DLGAP2: variants seen among roughly 807,000 people sequenced by gnomAD.
The protein encoded by DLGAP2 is DLG associated protein 2, also known as disks large-associated protein 2.
Under a neutral mutation model 100.3 loss-of-function variants are expected in DLGAP2, and 26 were observed. The observed-to-expected ratio is 0.26, with a 90% confidence interval of 0.19 to 0.36. The LOEUF (loss-of-function observed/expected upper bound fraction) is 0.36, where lower values mean the gene tolerates loss of function less well. Among genes scored for constraint, DLGAP2 ranks in the 10% least tolerant of loss-of-function variants. The probability of loss-of-function intolerance (pLI) is 1.00; values close to 1 mark genes in which losing one functional copy is unlikely to be tolerated. For synonymous variants in DLGAP2, 886 were observed against 630.1 expected (o/e 1.41, Z -6.08); for missense variants, 1,858 against 1,453.2 (o/e 1.28, Z -4.53).
At chr8:1,071,687 G>A (rs979594475) in intron 2 of DLGAP2, among the ~76,000 whole-genome samples, 3 of 152,086 alleles carry the variant, frequency 2.0e-5, no homozygotes, top group Non-Finnish European at 4.4e-5. Flanking sequence ...TGTACAACTT[G>A]TTAGGATAAC....
chr8:1,700,473 C>T (rs1343903122), intron 14 of DLGAP2, among the ~76,000 whole-genome samples: 1 of 151,966 alleles, frequency 6.6e-6, no homozygotes, highest in Non-Finnish European at 1.5e-5. Context: ...GAGTTAGGGA[C>T]ACAGACCTTT....
In DLGAP2 at chr8:1,691,540, G is replaced by A. The variant is rs1343341793; in HGVS notation, c.2710G>A (p.Gly904Ser). The A allele has an allele frequency of 5.0e-6, 8 of 1,613,106 alleles. No individual in the cohort carries two copies. The highest frequency in any genetic ancestry group is 2.2e-5 in the East Asian group (1 of 44,880). The change falls in exon 13 of 15, where the codon GGT (glycine) becomes AGT (serine). Residue 904 changes from glycine to serine, a missense_variant. By Grantham distance (56) the Gly-to-Ser change is moderately conservative (BLOSUM62 0). Coordinates refer to ENST00000637795, the MANE Select transcript of DLGAP2 (RefSeq NM_001346810.2). ...TTTGTTTTTGTTTTAAACAGTTCTC[G>A]GTAAAATCAGGAGTGCTGTTGGGAG... The part of the protein sequence containing the change: ...EENDLSEEIL[G>S]KIRSAVGSAQ...
At chr8:1,203,878 A>T (rs1797934911) in intron 2 of DLGAP2, among the ~76,000 whole-genome samples, 1 of 152,132 alleles carries the variant, frequency 6.6e-6, no homozygotes. Context: ...TTTAGGGAGG[A>T]GTAGGAAGTG....
At chr8:952,008 G>T (rs1282417476) in intron 2 of DLGAP2, among the ~76,000 whole-genome samples, 1 of 152,196 alleles carries the variant, frequency 6.6e-6, no homozygotes, top group Non-Finnish European at 1.5e-5. Flanking sequence ...CTTTGTCCTT[G>T]CCCTCCCGGG....
At chr8:740,821 A>G (rs1210015307) in intron 1 of DLGAP2, among the ~76,000 whole-genome samples, 1 of 152,226 alleles carries the variant, frequency 6.6e-6, no homozygotes, top group South Asian at 2.1e-4. Flanking sequence ...TACTTTGATT[A>G]TAGATTTTAA....
intron 6 of DLGAP2, among the ~76,000 whole-genome samples, chr8:1,590,405 G>A (rs994651072): frequency 3.3e-5 from 5 of 152,114 alleles, no homozygotes; most frequent in East Asian, 3.9e-4. Context: ...TTCCATCTCC[G>A]TGTTGGCTTT....
chr8:1,194,005 T>C (rs983949008), intron 2 of DLGAP2, among the ~76,000 whole-genome samples: 6 of 152,192 alleles, frequency 3.9e-5, no homozygotes, highest in Non-Finnish European at 8.8e-5. Flanking sequence ...TCAGGTGAAA[T>C]TTCTCCTTGG....
At chr8:1,470,473 A>G (rs1484017891) in intron 3 of DLGAP2, among the ~76,000 whole-genome samples, 1 of 151,992 alleles carries the variant, frequency 6.6e-6, no homozygotes, top group Non-Finnish European at 1.5e-5. Flanking sequence ...CCCTCCCGCC[A>G]CCTGCTCTCT....
intron 2 of DLGAP2, among the ~76,000 whole-genome samples, chr8:954,515 C>T (rs1799553325): frequency 6.6e-6 from 1 of 152,100 alleles, no homozygotes; most frequent in South Asian, 2.1e-4. Context: ...TATAATGTAA[C>T]TGAATATTAC....
chr8:964,766 G>A (rs562382483), intron 2 of DLGAP2, among the ~76,000 whole-genome samples: 2 of 152,278 alleles, frequency 1.3e-5, no homozygotes, highest in South Asian at 2.1e-4. Context: ...ACCCTCCCCC[G>A]AGGGCCACAC....
intron 6 of DLGAP2, among the ~76,000 whole-genome samples, chr8:1,623,655 A>G (rs1797414231): frequency 6.6e-6 from 1 of 152,120 alleles, no homozygotes; most frequent in African/African-American, 2.4e-5. Flanking sequence ...CCAGTGTGTG[A>G]TGACCTGACA....
intron 2 of DLGAP2, among the ~76,000 whole-genome samples, chr8:1,163,736 G>A (rs936409916): frequency 6.6e-6 from 1 of 152,198 alleles, no homozygotes; most frequent in African/African-American, 2.4e-5. Context: ...GTTGGTGGGA[G>A]TAACGCGGCC....
intron 3 of DLGAP2, among the ~76,000 whole-genome samples, chr8:1,425,059 A>T (rs1047893578): frequency 1.3e-5 from 2 of 152,198 alleles, no homozygotes; most frequent in Non-Finnish European, 2.9e-5. Flanking sequence ...CATTTAAAAA[A>T]TTTTTTGCAC....
intron 1 of DLGAP2, among the ~76,000 whole-genome samples, chr8:801,153 C>T (rs751691453): frequency 1.3e-4 from 20 of 152,248 alleles, no homozygotes; most frequent in Non-Finnish European, 2.1e-4. Flanking sequence ...CTGCGTGTTT[C>T]TCTCTCACTT....
chr8:1,475,250 A>G (rs1798900140), intron 3 of DLGAP2, among the ~76,000 whole-genome samples: 1 of 151,852 alleles, frequency 6.6e-6, no homozygotes, highest in Non-Finnish European at 1.5e-5. Flanking sequence ...CATACCCCAA[A>G]CCTCAGCATC....
chr8:1,645,114 G>A (rs1412903873), intron 8 of DLGAP2, among the ~76,000 whole-genome samples: 1 of 152,182 alleles, frequency 6.6e-6, no homozygotes, highest in Non-Finnish European at 1.5e-5. Context: ...TCAAATGAAT[G>A]AATCAAATGA....
intron 3 of DLGAP2, among the ~76,000 whole-genome samples, chr8:1,281,361 T>C (rs919825104): frequency 3.9e-5 from 6 of 152,208 alleles, no homozygotes; most frequent in African/African-American, 1.2e-4. Context: ...TGGCTTTCCC[T>C]GTCATCATGA....
intron 2 of DLGAP2, among the ~76,000 whole-genome samples, chr8:1,164,204 C>T (rs1796958618): frequency 7.5e-6 from 1 of 132,924 alleles, no homozygotes; most frequent in South Asian, 2.4e-4. Flanking sequence ...TCTGTGAGCC[C>T]CCAGGGCCCG....
intron 3 of DLGAP2, among the ~76,000 whole-genome samples, chr8:1,277,551 G>A (rs939081308): frequency 1.3e-5 from 2 of 152,152 alleles, no homozygotes; most frequent in African/African-American, 4.8e-5. Flanking sequence ...GAGCTGTCTT[G>A]GTATCCAAGT....
Sources: allele counts gnomAD v4.1 joint callset (sites outside exome capture counted in the v4.1 genomes callset), GRCh38; gene constraint gnomAD v4.1.1; transcripts MANE v1.5; gene names NCBI Gene and HGNC (gene_info 2026-07-23, HGNC 2026-07-21).